Variants in PLCB4 observed in about 807,000 individuals in gnomAD.
PLCB4 encodes phospholipase C beta 4, also known as 1-phosphatidylinositol 4,5-bisphosphate phosphodiesterase beta-4.
In PLCB4, 77 loss-of-function variants were observed where a neutral mutation model predicts 178.8. The observed-to-expected ratio is 0.43, with a 90% CI of 0.36 to 0.52. The LOEUF (loss-of-function observed/expected upper bound fraction) is 0.52, where lower values mean the gene tolerates loss of function less well. Among genes scored for constraint, PLCB4 ranks in the 20% least tolerant of loss-of-function variants. PLCB4 has a pLI of 0.00. For missense variants in PLCB4, 1,024 were observed against 1,453.4 expected (o/e 0.70, Z 4.80); for synonymous variants, 496 against 490.8 (o/e 1.01, Z -0.14).
At chr20:9,085,687 A>G (rs1375655645) in intron 1 of PLCB4, among the ~76,000 whole-genome samples, 1 of 152,190 alleles carries the variant, frequency 6.6e-6, no homozygotes, top group Non-Finnish European at 1.5e-5. Context: ...AAATATATTG[A>G]CCTTGACTGT....
chr20:9,178,717 C>T (rs2093195900), intron 2 of PLCB4, among the ~76,000 whole-genome samples: 1 of 151,586 alleles, frequency 6.6e-6, no homozygotes, highest in Non-Finnish European at 1.5e-5. Flanking sequence ...GGGCTAAATT[C>T]AAAGTAAATT....
Position 9,339,014 on chromosome 20 carries a change from G to T in PLCB4, c.346G>T (p.Ala116Ser), listed in dbSNP as rs1568612928. The change falls in exon 7 of 40, where the codon GCT becomes TCT. Residue 116 changes from alanine (A) to serine (S), a missense_variant. This residue lies in a region of PLCB4 where 225 missense variants were observed against 291.0 expected (regional missense o/e 0.77). Transcript: ENST00000378473. ...LVNISFTYMV[A>S]ENPEVTKQWV... is the part of the protein sequence containing the mutation. The stretch of plus-strand genomic sequence containing the variant: ...GAACATTAGTTTTACCTACATGGTG[G>T]CTGAAAATCCAGAAGTAACTAAGGT... The T allele has an allele frequency of 6.2e-7, 1 of 1,613,250 alleles. No individual in the cohort carries two copies. Among genetic ancestry groups the T allele is most frequent in the Non-Finnish European group, 8.5e-7 (1 of 1,179,490 alleles).
chr20:9,454,251 G>C (rs913908859), intron 33 of PLCB4, among the ~76,000 whole-genome samples: 3 of 152,186 alleles, frequency 2.0e-5, no homozygotes, highest in African/African-American at 4.8e-5. Flanking sequence ...TGGGGGGATG[G>C]GGGTGTGACA....
chr20:9,230,144 C>T (rs2093916171), intron 3 of PLCB4, among the ~76,000 whole-genome samples: 1 of 152,168 alleles, frequency 6.6e-6, no homozygotes. Flanking sequence ...GCTGTGTACA[C>T]TCACATTCCT....
chr20:9,433,875 C>A (rs111495068), intron 28 of PLCB4, among the ~76,000 whole-genome samples: 19 of 152,220 alleles, frequency 1.2e-4, no homozygotes, highest in African/African-American at 4.3e-4. Flanking sequence ...TTCTCACATG[C>A]CACTGGTGGG....
intron 2 of PLCB4, among the ~76,000 whole-genome samples, chr20:9,178,189 C>T (rs970726295): frequency 3.9e-5 from 6 of 152,090 alleles, no homozygotes; most frequent in African/African-American, 7.2e-5. Context: ...GCTGTGGTGG[C>T]GGGATCCTGT....
chr20:9,417,839 T>G (rs1339473835), intron 25 of PLCB4, among the ~76,000 whole-genome samples: 1 of 152,202 alleles, frequency 6.6e-6, no homozygotes, highest in African/African-American at 2.4e-5. Context: ...AGAGTTCCAA[T>G]TTCTCCACAT....
chr20:9,129,849 C>T (rs1057235895), intron 2 of PLCB4, among the ~76,000 whole-genome samples: 6 of 151,966 alleles, frequency 3.9e-5, no homozygotes, highest in East Asian at 1.9e-4. Context: ...AGCTGGATCC[C>T]GAAGAAAGAA....
chr20:9,457,503 C>T lies in PLCB4; in HGVS notation c.3072+14C>T, dbSNP rs1179181191. 3.2e-6 allele frequency: 4 copies of T among 1,243,638 alleles called. No individual in the cohort carries two copies. The highest frequency in any genetic ancestry group is 3.6e-6 in the Non-Finnish European group (3 of 842,176). The allele number at this position is 1,243,638 out of a possible 1,614,324, so 77.0% of individuals were successfully genotyped here. On this transcript the variant is annotated intron_variant, in intron 34 of 39. Coordinates refer to ENST00000378473, the MANE Select transcript of PLCB4 (RefSeq NM_001377142.1). ...CACAAATCTAAGGTAAGAAAATGCCCATTTTTACAGCAGTGACTTGCAGAA... is the reference window on the plus strand; with the variant it reads ...CACAAATCTAAGGTAAGAAAATGCCTATTTTTACAGCAGTGACTTGCAGAA...
chr20:9,235,765 C>A (rs74983667), intron 3 of PLCB4, among the ~76,000 whole-genome samples: 1 of 152,130 alleles, frequency 6.6e-6, no homozygotes, highest in African/African-American at 2.4e-5. Flanking sequence ...TGAACCAACT[C>A]TTATTGAAGA....
intron 3 of PLCB4, among the ~76,000 whole-genome samples, chr20:9,220,199 C>T (rs2093780852): frequency 6.6e-6 from 1 of 152,200 alleles, no homozygotes; most frequent in South Asian, 2.1e-4. Context: ...CAATCAAAAA[C>T]TGCTTTCAAG....
At chr20:9,375,076 T>A (rs2036559353) in intron 12 of PLCB4, among the ~76,000 whole-genome samples, 1 of 152,172 alleles carries the variant, frequency 6.6e-6, no homozygotes, top group South Asian at 2.1e-4. Context: ...CTATAGCCTT[T>A]ATTTTTAATC....
At chr20:9,366,739 A>T (rs532223675) in intron 9 of PLCB4, among the ~76,000 whole-genome samples, 2 of 152,350 alleles carry the variant, frequency 1.3e-5, no homozygotes, top group South Asian at 4.1e-4. Context: ...ACAGGCATGT[A>T]TCTGGATTCG....
intron 1 of PLCB4, among the ~76,000 whole-genome samples, chr20:9,090,335 A>G (rs1249396518): frequency 6.6e-6 from 1 of 151,870 alleles, no homozygotes; most frequent in Non-Finnish European, 1.5e-5. Flanking sequence ...TCGAGCTATT[A>G]TTTGGGAAAA....
chr20:9,330,288 T>A (rs2031441237), intron 4 of PLCB4, among the ~76,000 whole-genome samples: 1 of 151,222 alleles, frequency 6.6e-6, no homozygotes, highest in Non-Finnish European at 1.5e-5. Context: ...TGATTTAAAT[T>A]GAATGAGATC....
intron 1 of PLCB4, among the ~76,000 whole-genome samples, chr20:9,072,944 C>G (rs889126628): frequency 1.3e-5 from 2 of 152,146 alleles, no homozygotes; most frequent in African/African-American, 4.8e-5. Flanking sequence ...TTACTCACTA[C>G]TTATAAAACC....
intron 25 of PLCB4, among the ~76,000 whole-genome samples, chr20:9,412,811 C>G: frequency 6.6e-6 from 1 of 152,192 alleles, no homozygotes; most frequent in East Asian, 1.9e-4. Context: ...CTCCATGGTT[C>G]TAAATCTCCA....
At chr20:9,185,653 G>A (rs751639736) in intron 2 of PLCB4, among the ~76,000 whole-genome samples, 1 of 152,166 alleles carries the variant, frequency 6.6e-6, no homozygotes, top group Non-Finnish European at 1.5e-5. Flanking sequence ...GTCCTCATCT[G>A]ACTCCGAGTA....
intron 10 of PLCB4, 33 bp downstream of exon 10, chr20:9,371,328 C>T: frequency 8.4e-7 from 1 of 1,189,396 alleles, no homozygotes. Flanking sequence ...ATTTCTAAAA[C>T]CATTTTGTTT....
Sources: allele counts gnomAD v4.1 joint callset (sites outside exome capture counted in the v4.1 genomes callset), GRCh38; gene constraint gnomAD v4.1.1; regional missense constraint gnomAD v4.1.1; transcripts MANE v1.5; gene names NCBI Gene and HGNC (gene_info 2026-07-23, HGNC 2026-07-21).